Variants in SCAP observed in about 807,000 individuals in gnomAD.
SCAP encodes SREBF chaperone.
SCAP carries 65 observed loss-of-function variants against 123.6 expected under a neutral mutation model. The ratio of observed to expected loss-of-function variants is 0.53; its 90% CI spans 0.43 to 0.65. The LOEUF (loss-of-function observed/expected upper bound fraction) is 0.65. Among genes scored for constraint, SCAP ranks in the 30% least tolerant of loss-of-function variants. The probability of loss-of-function intolerance (pLI) is 0.00; values close to 1 mark genes in which losing one functional copy is unlikely to be tolerated. For missense variants in SCAP, 1,398 were observed against 1,712.5 expected (o/e 0.82, Z 3.24); for synonymous variants, 740 against 726.3 (o/e 1.02, Z -0.30).
intron 1 of SCAP, among the ~76,000 whole-genome samples, chr3:47,465,046 G>A (rs932808213): frequency 6.6e-6 from 1 of 151,876 alleles, no homozygotes; most frequent in African/African-American, 2.4e-5. Flanking sequence ...AAATACTTAG[G>A]AATAAATTTA....
intron 1 of SCAP, among the ~76,000 whole-genome samples, chr3:47,458,355 G>A (rs1436969217): frequency 6.6e-6 from 1 of 152,074 alleles, no homozygotes; most frequent in East Asian, 1.9e-4. Flanking sequence ...CTTGAACCCT[G>A]GAGGCAGAGG....
At chr3:47,434,886 G>A in intron 3 of SCAP, 122 bp downstream of exon 3, 1 of 1,252,876 alleles carries the variant, frequency 8.0e-7, no homozygotes, top group Non-Finnish European at 1.2e-6. Context: ...TGATAAAGCT[G>A]TTAAAGTACA....
intron 1 of SCAP, among the ~76,000 whole-genome samples, chr3:47,465,768 CAA>C (rs796088426): frequency 5.5e-5 from 6 of 108,252 alleles, no homozygotes; most frequent in African/African-American, 3.4e-5. Flanking sequence ...GACTCCGTCT[CAA>C]AAAAAAAAAA....
chr3:47,415,256 G>T, intron 18 of SCAP, 76 bp from the exon 19 acceptor site: 1 of 1,358,482 alleles, frequency 7.4e-7, no homozygotes, highest in Non-Finnish European at 1.0e-6. Context: ...GGACATGAGA[G>T]TTAAGGGCCA....
chr3:47,415,001 CA>C lies in SCAP; in HGVS notation c.3140-9del. ...TGCCCCGCCCTGGGGTCCCTGAGGA[CA>C]AAAGGCCAAGTGAAGAATCTCTGAG... On this transcript the variant is annotated splice_polypyrimidine_tract_variant and intron_variant, in intron 19 of 22. Transcript: ENST00000265565. The C allele has an allele frequency of 1.3e-6, 2 of 1,582,472 alleles. No homozygotes were observed. Among genetic ancestry groups the C allele is most frequent in the Non-Finnish European group, 1.7e-6 (2 of 1,165,544 alleles).
chr3:47,433,825 C>T (rs372906472), intron 3 of SCAP, among the ~76,000 whole-genome samples: 3 of 151,990 alleles, frequency 2.0e-5, no homozygotes, highest in East Asian at 1.9e-4. Context: ...GCTGAGATCA[C>T]GCCACTGTAC....
intron 1 of SCAP, among the ~76,000 whole-genome samples, chr3:47,460,792 G>A (rs947858580): frequency 6.6e-6 from 1 of 152,076 alleles, no homozygotes; most frequent in Non-Finnish European, 1.5e-5. Context: ...TCCTGACCTC[G>A]TGATCCACCC....
At chr3:47,473,088 A>AAAAAAAAAAAAACAAAAC (rs1162589783) in intron 1 of SCAP, among the ~76,000 whole-genome samples, 1 of 145,472 alleles carries the variant, frequency 6.9e-6, no homozygotes, top group African/African-American at 2.5e-5. Flanking sequence ...CTCAAAAAAA[A>AAAAAAAAAAAAACAAAAC]AAAAAAAAAA....
rs1705414087 is a variant in SCAP, at chr3:47,413,727, G to C, written c.*127C>G. Reference sequence around the variant, plus strand: ...GATGATGATATGGTTTTTTAAAAAAGTTTAATATTATTACAGTCAGGAGGC... The same window carrying C: ...GATGATGATATGGTTTTTTAAAAAACTTTAATATTATTACAGTCAGGAGGC... On this transcript the variant is annotated 3_prime_UTR_variant, in exon 23 of 23. Coordinates refer to ENST00000265565, the MANE Select transcript of SCAP (RefSeq NM_012235.4). 4 of 1,314,456 alleles carry C rather than the reference G, an allele frequency of 3.0e-6. No individual in the cohort carries two copies. Among genetic ancestry groups the C allele is most frequent in the Non-Finnish European group, 4.2e-6 (4 of 960,758 alleles). 81.4% of individuals were successfully genotyped at this position (1,314,456 alleles called of 1,614,324 possible). A position where few individuals can be genotyped will look rare whatever the true frequency, so the allele number is the denominator to read the frequency against.
chr3:47,445,496 C>G (rs1029410610), intron 1 of SCAP, among the ~76,000 whole-genome samples: 1 of 151,998 alleles, frequency 6.6e-6, no homozygotes, highest in Non-Finnish European at 1.5e-5. Flanking sequence ...TCCACCGCCT[C>G]GGCCTCCCAA....
In SCAP at chr3:47,418,314, T is replaced by C; in HGVS notation, c.2331+7A>G. 1.9e-6 allele frequency: 3 copies of C among 1,557,842 alleles called. No homozygotes were observed. Among genetic ancestry groups the C allele is most frequent in the Non-Finnish European group, 2.6e-6 (3 of 1,151,426 alleles). ...CTCCCCTACCCGGCCACTGTGCCCC[T>C]GCTCACCATGAGGTGGCCGCGCAGC... is the stretch of plus-strand genomic sequence containing the variant. On this transcript the variant is annotated splice_region_variant and intron_variant, in intron 15 of 22. Transcript: ENST00000265565.
intron 2 of SCAP, among the ~76,000 whole-genome samples, chr3:47,440,908 CT>C (rs1001394465): frequency 7.3e-4 from 106 of 144,652 alleles, no homozygotes; most frequent in South Asian, 8.8e-4. Context: ...CTTTCCTCCT[CT>C]TTTTTTTTTT....
Position 47,450,360 on chromosome 3 carries a change from G to A in SCAP, c.-98-7269C>T, listed in dbSNP as rs1320604653. Among the ~76,000 whole-genome samples the A allele has an allele frequency of 4.8e-5, 6 of 125,244 alleles. 2 individuals are homozygous for A. The highest frequency in any genetic ancestry group is 1.6e-4 in the African/African-American group (6 of 36,616). The allele number at this position is 125,244 out of a possible 152,430, so 82.2% of individuals were successfully genotyped here. On this transcript the variant is annotated intron_variant, in intron 1 of 22. Transcript: ENST00000265565. The stretch of plus-strand genomic sequence containing the variant: ...TCTGTCAATCACATCATTTCATTGT[G>A]AGAAGCATGTAGTAAAGTTTTCTAC...
chr3:47,413,909 A>G lies in SCAP; in HGVS notation c.3785T>C (p.Phe1262Ser), dbSNP rs753279911. The change falls in exon 23 of 23, where the codon TTT becomes TCT. Residue 1262 changes from phenylalanine to serine, a missense_variant. Coordinates refer to ENST00000265565, the MANE Select transcript of SCAP (RefSeq NM_012235.4). The stretch of plus-strand genomic sequence containing the variant: ...ATACACCAGGCTGAGCTCACTGCCA[A>G]AGTTGCAGACAATGGCAGCGTTGTC... ...VLDNAAIVCNFGSELSLVYVP... is the reference protein window; with the variant it reads ...VLDNAAIVCNSGSELSLVYVP... 3 of 1,613,182 alleles carry G rather than the reference A, an allele frequency of 1.9e-6. No individual in the cohort carries two copies. Among genetic ancestry groups the G allele is most frequent in the East Asian group, 2.2e-5 (1 of 44,878 alleles).
Position 47,418,172 on chromosome 3 carries a change from C to T in SCAP, c.2409G>A (p.Ala803=), listed in dbSNP as rs572284118. The T allele has an allele frequency of 8.7e-5, 137 of 1,572,778 alleles. 1 individual carries two copies. The South Asian group carries it at 1.2e-3, about 13-fold the overall frequency. Residue 803 remains alanine (A), a synonymous_variant, in exon 16 of 23, where the codon GCG becomes GCA. Transcript: ENST00000265565. ...TGCGCGTTAGGCAATCCCCGGTCTG[C>T]GCGTCCCACACGCAGACGTGGCCTG... is the stretch of plus-strand genomic sequence containing the variant. ...CLAGHVCVWD[A]QTGDCLTRIP...
At chr3:47,429,079 T>C (rs7644043) in intron 3 of SCAP, 174,189 of 180,556 alleles carry the variant, frequency 0.96, 84,364 homozygotes, top group East Asian at 1. Flanking sequence ...CTTCCTTCCA[T>C]CAATCATCTG....
chr3:47,436,977 T>C (rs1013089773), intron 2 of SCAP, among the ~76,000 whole-genome samples: 1 of 152,246 alleles, frequency 6.6e-6, no homozygotes, highest in African/African-American at 2.4e-5. Flanking sequence ...TATACTCTTT[T>C]GTGACTGGCT....
In SCAP at chr3:47,417,312, G is replaced by A. The variant is rs148460850; in HGVS notation, c.2962C>T (p.Arg988Trp). ...NLIVVGRSSG[R>W]LEVWDAIEGV... ...TTAGCCCCTCTGCCCACCTCCAGCC[G>A]GCCGCTGCTCCGCCCCACCACGATG... is the stretch of plus-strand genomic sequence containing the variant. Residue 988 changes from arginine to tryptophan, a missense_variant, in exon 17 of 23, where the codon CGG (arginine) becomes TGG (tryptophan). Transcript: ENST00000265565. The A allele has an allele frequency of 3.4e-5, 54 of 1,611,902 alleles. No homozygotes were observed. Among genetic ancestry groups the A allele is most frequent in the East Asian group, 1.8e-4 (8 of 44,788 alleles).
rs372360550 is a variant in SCAP at position 47,428,710 on chromosome 3, C to G, written c.253-40G>C. 20 of 1,605,312 alleles carry G rather than the reference C, an allele frequency of 1.2e-5. No individual in the cohort carries two copies. In the African/African-American group the frequency reaches 2.4e-4, roughly 19 times the overall value. ...AGGGAGGGCAGAAAGGGCAGCTGAG[C>G]ACAGGAAGAAGAAAGACGGTCCAAT... On this transcript the variant is annotated intron_variant, in intron 3 of 22. Coordinates refer to ENST00000265565, the MANE Select transcript of SCAP (RefSeq NM_012235.4).
Sources: allele counts gnomAD v4.1 joint callset (sites outside exome capture counted in the v4.1 genomes callset), GRCh38; gene constraint gnomAD v4.1.1; transcripts MANE v1.5; gene names NCBI Gene and HGNC (gene_info 2026-07-23, HGNC 2026-07-21).